Variants in LGSN observed in about 807,000 individuals in gnomAD.
The protein encoded by LGSN is lengsin, lens protein with glutamine synthetase domain, also known as lengsin.
Under a neutral mutation model 19.5 loss-of-function variants are expected in LGSN, and 21 were observed. That is an observed-to-expected ratio of 1.07 (90% CI 0.76 to 1.55). The LOEUF (loss-of-function observed/expected upper bound fraction) is 1.55, where lower values mean the gene tolerates loss of function less well. LGSN is among the 40% of genes most tolerant of loss of function. LGSN has a pLI of 0.00. For missense variants in LGSN, 673 were observed against 608.5 expected, an observed-to-expected ratio of 1.11 and a Z score of -1.12; for synonymous variants, 257 against 215.6, an observed-to-expected ratio of 1.19 and a Z score of -1.68.
the LGSN span, among the ~76,000 whole-genome samples, chr6:63,365,568 T>C: frequency 6.6e-6 from 1 of 152,076 alleles, no homozygotes; most frequent in African/African-American, 2.4e-5. Flanking sequence ...AAAGATGGAA[T>C]CCTCCCTAAT....
At chr6:63,364,685 A>C in the LGSN span, among the ~76,000 whole-genome samples, 1 of 152,206 alleles carries the variant, frequency 6.6e-6, no homozygotes, top group South Asian at 2.1e-4. Flanking sequence ...CATAGTTGGA[A>C]GTAAAGCACT....
chr6:63,552,946 C>T, the LGSN span, among the ~76,000 whole-genome samples: 2 of 151,642 alleles, frequency 1.3e-5, no homozygotes, highest in African/African-American at 2.4e-5. Context: ...GTTTGAAGTC[C>T]GTTCATTATT....
the LGSN span, among the ~76,000 whole-genome samples, chr6:63,449,973 A>ATG: frequency 6.6e-6 from 1 of 152,114 alleles, no homozygotes; most frequent in Non-Finnish European, 1.5e-5. Flanking sequence ...ATGTATCTGA[A>ATG]TGTGTGTGTG....
chr6:63,424,691 T>A, the LGSN span, among the ~76,000 whole-genome samples: 1 of 152,120 alleles, frequency 6.6e-6, no homozygotes, highest in Admixed American at 6.6e-5. Flanking sequence ...GGAATGAGGA[T>A]TTCTTGAGGC....
At chr6:63,521,184 C>A in the LGSN span, among the ~76,000 whole-genome samples, 1 of 151,190 alleles carries the variant, frequency 6.6e-6, no homozygotes, top group Admixed American at 6.6e-5. Flanking sequence ...ACCTATGTAA[C>A]AAACCTGAGC....
At chr6:63,285,160 A>C (rs1441447447) in intron 3 of LGSN, among the ~76,000 whole-genome samples, 26 of 152,224 alleles carry the variant, frequency 1.7e-4, no homozygotes, top group Non-Finnish European at 4.4e-5. Context: ...TTTGGAGCTG[A>C]AAGGAATACA....
the LGSN span, among the ~76,000 whole-genome samples, chr6:63,432,749 T>G: frequency 4.9e-4 from 75 of 152,040 alleles, no homozygotes; most frequent in African/African-American, 1.8e-3. Flanking sequence ...TAGAAAAATT[T>G]TACTGGGACT....
the LGSN span, among the ~76,000 whole-genome samples, chr6:63,481,124 C>A: frequency 4.0e-5 from 6 of 151,662 alleles, no homozygotes; most frequent in Non-Finnish European, 2.9e-5. Context: ...GAGTGAAAAA[C>A]CAAAAAACCG....
the LGSN span, among the ~76,000 whole-genome samples, chr6:63,473,202 G>A: frequency 6.6e-6 from 1 of 152,014 alleles, no homozygotes; most frequent in Non-Finnish European, 1.5e-5. Context: ...GCCAGGCGCA[G>A]TGGCTCACAC....
At chr6:63,541,519 C>A in the LGSN span, among the ~76,000 whole-genome samples, 80 of 152,292 alleles carry the variant, frequency 5.3e-4, no homozygotes, top group African/African-American at 1.8e-3. Context: ...CGCCATTGCA[C>A]TCCAGCCTGG....
chr6:63,397,466 A>C, the LGSN span, among the ~76,000 whole-genome samples: 1 of 151,454 alleles, frequency 6.6e-6, no homozygotes, highest in Non-Finnish European at 1.5e-5. Flanking sequence ...AAAAAAAAAA[A>C]CACATAAGGG....
At chr6:63,411,480 C>T in the LGSN span, among the ~76,000 whole-genome samples, 23 of 152,192 alleles carry the variant, frequency 1.5e-4, no homozygotes, top group South Asian at 3.1e-3. Context: ...AGTTCTATTG[C>T]GCTGCTCACA....
the LGSN span, among the ~76,000 whole-genome samples, chr6:63,509,046 A>G: frequency 6.6e-6 from 1 of 151,678 alleles, no homozygotes; most frequent in Non-Finnish European, 1.5e-5. Context: ...AACAATATAA[A>G]ATTTTGTAAT....
the LGSN span, among the ~76,000 whole-genome samples, chr6:63,352,463 C>T: frequency 3.3e-5 from 5 of 151,966 alleles, no homozygotes. Flanking sequence ...AATTTCGGGA[C>T]CAGCTCTGGC....
the LGSN span, among the ~76,000 whole-genome samples, chr6:63,539,496 G>T: frequency 7.9e-5 from 12 of 152,296 alleles, no homozygotes; most frequent in East Asian, 2.3e-3. Flanking sequence ...GGCAAAGGAT[G>T]GCCAGGTGTG....
At chr6:63,343,787 G>A in the LGSN span, among the ~76,000 whole-genome samples, 450 of 152,302 alleles carry the variant, frequency 3.0e-3, 3 homozygotes, top group African/African-American at 0.01. Flanking sequence ...GATTATCTGG[G>A]TGGGCCTAAT....
At chr6:63,421,722 G>A in the LGSN span, among the ~76,000 whole-genome samples, 9 of 151,474 alleles carry the variant, frequency 5.9e-5, no homozygotes, top group East Asian at 1.9e-4. Flanking sequence ...GTGAGACTCC[G>A]TCTCAAAAAA....
the LGSN span, among the ~76,000 whole-genome samples, chr6:63,455,870 T>C: frequency 1.4e-5 from 2 of 139,360 alleles, no homozygotes; most frequent in African/African-American, 5.4e-5. Flanking sequence ...AGCCCAGGAG[T>C]TCAAGACCAC....
chr6:63,423,247 G>A, the LGSN span, among the ~76,000 whole-genome samples: 2 of 152,230 alleles, frequency 1.3e-5, no homozygotes, highest in Middle Eastern at 3.2e-3. Context: ...TCAGTAGGCT[G>A]AGGTGAGGGG....
Sources: allele counts gnomAD v4.1 joint callset (sites outside exome capture counted in the v4.1 genomes callset), GRCh38; gene constraint gnomAD v4.1.1; transcripts MANE v1.5; gene names NCBI Gene and HGNC (gene_info 2026-07-23, HGNC 2026-07-21).